Variants in PITPNC1 observed in about 807,000 individuals in gnomAD.
The protein encoded by PITPNC1 is cytoplasmic phosphatidylinositol transfer protein 1.
A neutral mutation model predicts 44.7 loss-of-function variants in PITPNC1; 18 were observed. That is an observed-to-expected ratio of 0.40 (90% confidence interval 0.28 to 0.60). The LOEUF is 0.60. Among genes scored for constraint, PITPNC1 ranks in the 20% least tolerant of loss-of-function variants. The pLI, the probability that PITPNC1 is intolerant of heterozygous loss-of-function variation, is 0.39. For missense variants in PITPNC1, 290 were observed against 418.4 expected (o/e 0.69, Z 2.68); for synonymous variants, 141 against 149.6 (o/e 0.94, Z 0.42).
At chr17:67,545,892 A>G (rs1309884552) in intron 2 of PITPNC1, among the ~76,000 whole-genome samples, 1 of 152,096 alleles carries the variant, frequency 6.6e-6, no homozygotes, top group Non-Finnish European at 1.5e-5. Flanking sequence ...CTCGGGAGTG[A>G]CAGTGCACAA....
chr17:67,416,241 GC>G (rs1426027672), intron 1 of PITPNC1, among the ~76,000 whole-genome samples: 2 of 109,194 alleles, frequency 1.8e-5, no homozygotes, highest in African/African-American at 7.3e-5. Context: ...ACAGAGTCTC[GC>G]TCTGTTGTCC....
Position 67,632,029 on chromosome 17 carries a change from C to G in PITPNC1, c.367-114C>G, listed in dbSNP as rs573778974. On this transcript the variant is annotated intron_variant, in intron 5 of 8. Transcript: ENST00000581322. ...ATTCTGAGGCTGGTGAAAGCACTAG[C>G]CGGGGGCCCTGAGACGTGTGAAGAT... 1.8e-4 allele frequency: 118 copies of G among 650,714 alleles called. No homozygotes were observed. The African/African-American group carries it at 2.0e-3, about 11-fold the overall frequency. 40.3% of individuals were successfully genotyped at this position (650,714 alleles called of 1,614,324 possible).
At chr17:67,644,713 A>G (rs368848995) in intron 6 of PITPNC1, among the ~76,000 whole-genome samples, 23 of 152,244 alleles carry the variant, frequency 1.5e-4, no homozygotes, top group African/African-American at 5.5e-4. Context: ...GCGTGAGCCA[A>G]TGCACCTGGC....
chr17:67,547,523 A>G (rs2040700751), intron 2 of PITPNC1, among the ~76,000 whole-genome samples: 1 of 152,070 alleles, frequency 6.6e-6, no homozygotes, highest in Non-Finnish European at 1.5e-5. Context: ...CTCAAAAGAG[A>G]AAAAGAACAA....
At chr17:67,403,218 CAAAA>C (rs34768084) in intron 1 of PITPNC1, among the ~76,000 whole-genome samples, 12,229 of 68,572 alleles carry the variant, frequency 0.18, 708 homozygotes, top group African/African-American at 0.38. Context: ...CTCATCTCTA[CAAAA>C]AAAAAAAAAA....
intron 2 of PITPNC1, among the ~76,000 whole-genome samples, chr17:67,540,198 G>A (rs188494105): frequency 6.6e-6 from 1 of 152,012 alleles, no homozygotes; most frequent in Non-Finnish European, 1.5e-5. Context: ...CTGCCTTCCG[G>A]GCTCAAGAGA....
intron 1 of PITPNC1, among the ~76,000 whole-genome samples, chr17:67,423,569 T>A (rs535628074): frequency 6.6e-6 from 1 of 152,278 alleles, no homozygotes; most frequent in Admixed American, 6.5e-5. Flanking sequence ...CTACCTGAAA[T>A]CATGCCTCAC....
chr17:67,411,895 A>T (rs2038504281), intron 1 of PITPNC1, among the ~76,000 whole-genome samples: 1 of 152,090 alleles, frequency 6.6e-6, no homozygotes. Flanking sequence ...AGGCACAGAG[A>T]GGGGAGTGGC....
intron 1 of PITPNC1, among the ~76,000 whole-genome samples, chr17:67,471,049 A>C (rs1474068886): frequency 9.7e-5 from 12 of 124,306 alleles, no homozygotes; most frequent in African/African-American, 3.9e-4. Flanking sequence ...TCAAGTAATC[A>C]GGGACACAAA....
intron 1 of PITPNC1, among the ~76,000 whole-genome samples, chr17:67,506,317 T>C (rs961944132): frequency 1.3e-5 from 2 of 152,250 alleles, no homozygotes; most frequent in African/African-American, 4.8e-5. Flanking sequence ...TGTTCCTGAA[T>C]ATACAATCTC....
intron 1 of PITPNC1, among the ~76,000 whole-genome samples, chr17:67,500,395 A>G (rs2040010116): frequency 1.3e-5 from 2 of 152,224 alleles, no homozygotes; most frequent in East Asian, 3.8e-4. Flanking sequence ...AAGAAGCCAG[A>G]CACAACGAGC....
intron 8 of PITPNC1, among the ~76,000 whole-genome samples, chr17:67,689,080 T>C (rs1409052659): frequency 6.6e-6 from 1 of 152,198 alleles, no homozygotes; most frequent in East Asian, 1.9e-4. Context: ...CGCATGCCTG[T>C]AATCCCAGCT....
intron 5 of PITPNC1, among the ~76,000 whole-genome samples, chr17:67,596,862 G>A (rs1432357362): frequency 6.6e-6 from 1 of 151,696 alleles, no homozygotes; most frequent in Non-Finnish European, 1.5e-5. Context: ...ACTCCCTTGG[G>A]TTTGTTTTTA....
chr17:67,668,755 G>A (rs1048822604), intron 6 of PITPNC1, among the ~76,000 whole-genome samples: 5 of 151,786 alleles, frequency 3.3e-5, no homozygotes, highest in African/African-American at 9.7e-5. Flanking sequence ...CCAGCTACTC[G>A]GGAGGCTAAG....
chr17:67,394,564 G>T (rs1242375139), intron 1 of PITPNC1, among the ~76,000 whole-genome samples: 11 of 152,138 alleles, frequency 7.2e-5, no homozygotes, highest in Non-Finnish European at 1.0e-4. Context: ...GGAGTTGAAA[G>T]CTCTATTTGT....
intron 6 of PITPNC1, among the ~76,000 whole-genome samples, chr17:67,636,155 G>A (rs2642060): frequency 7.2e-5 from 11 of 152,074 alleles, no homozygotes; most frequent in South Asian, 4.2e-4. Flanking sequence ...AAAATTAGCC[G>A]GCCATGGTGG....
At chr17:67,389,953 A>G (rs7222883) in intron 1 of PITPNC1, among the ~76,000 whole-genome samples, 39,258 of 151,996 alleles carry the variant, frequency 0.26, 5,396 homozygotes, top group African/African-American at 0.34. Flanking sequence ...TGCTGGGATT[A>G]CAGACGCGAG....
At chr17:67,599,302 A>T (rs2041511575) in intron 5 of PITPNC1, among the ~76,000 whole-genome samples, 2 of 151,990 alleles carry the variant, frequency 1.3e-5, no homozygotes, top group Non-Finnish European at 2.9e-5. Context: ...TAGTGAAATA[A>T]CCGGTAGGGA....
intron 1 of PITPNC1, among the ~76,000 whole-genome samples, chr17:67,526,036 G>A (rs114424223): frequency 2.9e-3 from 438 of 152,308 alleles, no homozygotes; most frequent in African/African-American, 9.9e-3. Flanking sequence ...GTCCCCAGGC[G>A]GGGATTACCA....
Sources: gnomAD v4.1 joint callset for allele counts (sites outside exome capture counted in the v4.1 genomes callset) on GRCh38, gnomAD v4.1.1 for gene constraint, MANE v1.5 for transcripts, NCBI Gene and HGNC (gene_info 2026-07-23, HGNC 2026-07-21) for gene names.